Variants in KCNIP4 observed in about 807,000 individuals in gnomAD.
KCNIP4 encodes potassium voltage-gated channel interacting protein 4.
A neutral mutation model predicts 34.0 loss-of-function variants in KCNIP4; 12 were observed. The ratio of observed to expected loss-of-function variants is 0.35; its 90% CI spans 0.23 to 0.57. The LOEUF (loss-of-function observed/expected upper bound fraction) is 0.57, where lower values mean the gene tolerates loss of function less well. Ranked by LOEUF, KCNIP4 falls within the 20% of genes least tolerant of loss-of-function variation. The pLI, the probability that KCNIP4 is intolerant of heterozygous loss-of-function variation, is 0.83. For missense variants in KCNIP4, 238 were observed against 311.7 expected (o/e 0.76, Z 1.78); for synonymous variants, 124 against 102.2 (o/e 1.21, Z -1.29).
rs147332231 is a variant in KCNIP4 at position 21,653,873 on chromosome 4, G to A, written c.61+294698C>T. Among the ~76,000 whole-genome samples the A allele has an allele frequency of 2.6e-3, 402 of 152,046 alleles. 1 individual carries two copies. Among genetic ancestry groups the A allele is most frequent in the African/African-American group, 7.7e-3 (321 of 41,542 alleles). ...CAGAGACTGAATTTTTGTGCTTGAT[G>A]CTGTTATTTTTATTTTTTGCTCCAC... On this transcript the variant is annotated intron_variant, in intron 1 of 8. Coordinates refer to ENST00000382152, the MANE Select transcript of KCNIP4 (RefSeq NM_025221.6).
chr4:21,511,093 A>G (rs766064107), intron 1 of KCNIP4, among the ~76,000 whole-genome samples: 2 of 152,090 alleles, frequency 1.3e-5, no homozygotes, highest in Non-Finnish European at 2.9e-5. Flanking sequence ...ATGCCTGTAT[A>G]TAGTATGCAT....
At chr4:21,365,529 TAAAGAAAGAAAA>T (rs1174329965) in intron 1 of KCNIP4, among the ~76,000 whole-genome samples, 9,671 of 39,298 alleles carry the variant, frequency 0.25, 430 homozygotes, top group South Asian at 0.32. Context: ...AAATAAAAAA[TAAAGAAAGAAAA>T]GAAAAAGAAA....
In KCNIP4 at chr4:20,992,760, G is replaced by T. The variant is rs1737194594; in HGVS notation, c.62-110051C>A. Among the ~76,000 whole-genome samples, 3 of 152,218 alleles carry T rather than the reference G, an allele frequency of 2.0e-5. No individual in the cohort carries two copies. In the South Asian group the frequency reaches 6.2e-4, roughly 32 times the overall value. On this transcript the variant is annotated intron_variant, in intron 1 of 8. Coordinates refer to ENST00000382152, the MANE Select transcript of KCNIP4 (RefSeq NM_025221.6). Reference sequence around the variant, plus strand: ...AGCACAGAGTAGGCCGAACATGGTGGCTCATGCCTGTAATCCCAGCAATTT... The same window carrying T: ...AGCACAGAGTAGGCCGAACATGGTGTCTCATGCCTGTAATCCCAGCAATTT...
At chr4:21,407,116 C>A (rs141701045) in intron 1 of KCNIP4, among the ~76,000 whole-genome samples, 80 of 152,034 alleles carry the variant, frequency 5.3e-4, no homozygotes, top group African/African-American at 1.6e-3. Context: ...CTCCTCTCAT[C>A]TTTTCTGTGT....
At chr4:21,798,404 C>CATAT (rs112991875) in intron 1 of KCNIP4, among the ~76,000 whole-genome samples, 2,988 of 129,586 alleles carry the variant, frequency 0.023, 45 homozygotes, top group South Asian at 0.042. Flanking sequence ...CAAAAAAATA[C>CATAT]ATATATATAT....
intron 1 of KCNIP4, among the ~76,000 whole-genome samples, chr4:21,744,093 T>C (rs1716608055): frequency 6.6e-6 from 1 of 152,124 alleles, no homozygotes; most frequent in Non-Finnish European, 1.5e-5. Context: ...TGTCAAATGA[T>C]GTAAGGTTAA....
intron 1 of KCNIP4, among the ~76,000 whole-genome samples, chr4:21,269,522 C>T (rs543603131): frequency 3.5e-4 from 54 of 152,210 alleles, no homozygotes; most frequent in African/African-American, 1.3e-3. Context: ...CTTCCCACCT[C>T]GGCCTCCCAA....
intron 1 of KCNIP4, among the ~76,000 whole-genome samples, chr4:21,359,243 TTCTTCTCA>T (rs1158216649): frequency 6.6e-6 from 1 of 152,040 alleles, no homozygotes; most frequent in Non-Finnish European, 1.5e-5. Context: ...GCTGGGAAAT[TTCTTCTCA>T]TCTTCTCCTG....
At chr4:20,785,318 A>ATTTTTTTTTTTTTTTTTT (rs1321477283) in intron 3 of KCNIP4, among the ~76,000 whole-genome samples, 1 of 131,488 alleles carries the variant, frequency 7.6e-6, no homozygotes, top group Non-Finnish European at 1.6e-5. Context: ...TTTTCTTTGG[A>ATTTTTTTTTTTTTTTTTT]TTTTTTTTTC....
At chr4:21,707,335 T>C (rs1392790372) in intron 1 of KCNIP4, among the ~76,000 whole-genome samples, 1 of 152,152 alleles carries the variant, frequency 6.6e-6, no homozygotes, top group Non-Finnish European at 1.5e-5. Flanking sequence ...ATACAAATTA[T>C]GAGCTTTAAA....
chr4:21,368,521 C>A (rs1457842208), intron 1 of KCNIP4, among the ~76,000 whole-genome samples: 1 of 147,054 alleles, frequency 6.8e-6, no homozygotes, highest in Non-Finnish European at 1.5e-5. Context: ...ATTATTAGTC[C>A]AATATTATCT....
intron 1 of KCNIP4, among the ~76,000 whole-genome samples, chr4:21,353,913 CCA>C (rs2109384211): frequency 6.6e-6 from 1 of 152,248 alleles, no homozygotes; most frequent in African/African-American, 2.4e-5. Context: ...GTCGGGTTAC[CCA>C]CAAAGGGAAG....
chr4:21,677,807 C>A (rs557899971), intron 1 of KCNIP4, among the ~76,000 whole-genome samples: 52 of 152,050 alleles, frequency 3.4e-4, no homozygotes, highest in Admixed American at 7.9e-4. Context: ...TGGAGTGCAG[C>A]GGCACGATGT....
chr4:21,406,797 G>T (rs1724031617), intron 1 of KCNIP4, among the ~76,000 whole-genome samples: 1 of 152,112 alleles, frequency 6.6e-6, no homozygotes, highest in Non-Finnish European at 1.5e-5. Flanking sequence ...AAACAATTGA[G>T]AGTATTCGTG....
intron 3 of KCNIP4, among the ~76,000 whole-genome samples, chr4:20,827,993 G>A (rs1277916464): frequency 6.6e-6 from 1 of 151,968 alleles, no homozygotes; most frequent in Non-Finnish European, 1.5e-5. Context: ...ATATAGGCTG[G>A]GAGACCACTG....
At chr4:21,192,296 CT>C (rs1755712464) in intron 1 of KCNIP4, among the ~76,000 whole-genome samples, 1 of 152,166 alleles carries the variant, frequency 6.6e-6, no homozygotes, top group African/African-American at 2.4e-5. Flanking sequence ...GAGGAAAACA[CT>C]CCATTTAAGG....
At chr4:20,786,101 A>G (rs1711950570) in intron 3 of KCNIP4, among the ~76,000 whole-genome samples, 1 of 152,186 alleles carries the variant, frequency 6.6e-6, no homozygotes, top group African/African-American at 2.4e-5. Flanking sequence ...TACAGCATGC[A>G]ATATTCACAG....
intron 1 of KCNIP4, among the ~76,000 whole-genome samples, chr4:21,334,556 G>A (rs1462824075): frequency 6.6e-6 from 1 of 151,956 alleles, no homozygotes; most frequent in Non-Finnish European, 1.5e-5. Flanking sequence ...CCACTTAAGT[G>A]TACAACTGAA....
At chr4:20,913,884 G>A (rs568489932) in intron 1 of KCNIP4, among the ~76,000 whole-genome samples, 134 of 152,142 alleles carry the variant, frequency 8.8e-4, no homozygotes, top group African/African-American at 3.0e-3. Context: ...GGCCAGGCGC[G>A]GTGGCTCATG....
Sources: gnomAD v4.1 joint callset for allele counts (sites outside exome capture counted in the v4.1 genomes callset) on GRCh38, gnomAD v4.1.1 for gene constraint, MANE v1.5 for transcripts, NCBI Gene and HGNC (gene_info 2026-07-23, HGNC 2026-07-21) for gene names.